The following TRAPPC11 variants were observed in gnomAD, a reference collection of about 807,000 sequenced individuals.
The protein encoded by TRAPPC11 is trafficking protein particle complex subunit 11.
In TRAPPC11, 104 loss-of-function variants were observed where a neutral mutation model predicts 151.2. The ratio of observed to expected loss-of-function variants is 0.69; its 90% CI spans 0.59 to 0.81. The LOEUF (loss-of-function observed/expected upper bound fraction) is 0.81. Ranked by LOEUF, TRAPPC11 falls within the 30% of genes least tolerant of loss-of-function variation. The pLI, the probability that TRAPPC11 is intolerant of heterozygous loss-of-function variation, is 0.00. For missense variants in TRAPPC11, 1,230 were observed against 1,349.6 expected, an observed-to-expected ratio of 0.91 and a Z score of 1.39; for synonymous variants, 456 against 472.3, an observed-to-expected ratio of 0.97 and a Z score of 0.45.
Position 183,701,701 on chromosome 4 carries a change from C to G in TRAPPC11, c.2856C>G (p.Ile952Met), listed in dbSNP as rs1736807018. The G allele has an allele frequency of 1.2e-6, 2 of 1,610,564 alleles. No homozygotes were observed. The highest frequency in any genetic ancestry group is 1.7e-6 in the Non-Finnish European group (2 of 1,176,798). ...TATAAAGACTTTTCCCTGTAGTTAT[C>G]TTACAGACTGGAGAGAGTGCTAGTG... ...DQLESQVDNV[I>M]LQTGESASEC... Residue 952 changes from isoleucine (I) to methionine (M), a missense_variant, in exon 26 of 30, where the codon ATC becomes ATG. Transcript: ENST00000334690.
chr4:183,693,959 A>T lies in TRAPPC11; in HGVS notation c.2429A>T (p.His810Leu). Residue 810 changes from histidine (H) to leucine (L), a missense_variant, in exon 22 of 30, where the codon CAT (histidine) becomes CTT (leucine). His to Leu is a moderately conservative substitution (Grantham distance 99). Coordinates refer to ENST00000334690, the MANE Select transcript of TRAPPC11 (RefSeq NM_021942.6). Reference sequence around the variant, plus strand: ...ACTCAGAAGACTCACGTGACTCTTCATGGAACAGAACTGTGTGATGAATCC... The same window carrying T: ...ACTCAGAAGACTCACGTGACTCTTCTTGGAACAGAACTGTGTGATGAATCC... ...NLTQKTHVTL[H>L]GTELCDESYP... The T allele has an allele frequency of 6.2e-7, 1 of 1,613,930 alleles. No homozygotes were observed. Among genetic ancestry groups the T allele is most frequent in the Non-Finnish European group, 8.5e-7 (1 of 1,179,796 alleles).
chr4:183,678,019 A>C (rs1161512272), intron 8 of TRAPPC11, among the ~76,000 whole-genome samples: 1 of 150,156 alleles, frequency 6.7e-6, no homozygotes, highest in Non-Finnish European at 1.5e-5. Context: ...GCTCACTGGA[A>C]CCTCTGCCTC....
intron 1 of TRAPPC11, among the ~76,000 whole-genome samples, chr4:183,663,491 C>T (rs1206958555): frequency 6.6e-6 from 1 of 152,124 alleles, no homozygotes; most frequent in Non-Finnish European, 1.5e-5. Flanking sequence ...CCTAGGCCTC[C>T]CAAAGTGCTG....
At position 183,692,991 on chromosome 4, in the gene TRAPPC11, A is replaced by G; in HGVS notation, c.2081A>G (p.Glu694Gly). 1 of 1,612,810 alleles carries G rather than the reference A, an allele frequency of 6.2e-7. No individual in the cohort carries two copies. Among genetic ancestry groups the G allele is most frequent in the Non-Finnish European group, 8.5e-7 (1 of 1,179,332 alleles). ...TCAGTGGATCTTGCTCTGGGCAATG[A>G]GACGGGAAGATGTGTGGTTTTAAAT... ...ITSVDLALGN[E>G]TGRCVVLNWQ... Residue 694 changes from glutamate (E) to glycine (G), a missense_variant, in exon 20 of 30, where the codon GAG becomes GGG. Physicochemically the swap from Glu to Gly is moderately conservative, Grantham distance 98. Coordinates refer to ENST00000334690, the MANE Select transcript of TRAPPC11 (RefSeq NM_021942.6).
intron 23 of TRAPPC11, among the ~76,000 whole-genome samples, chr4:183,695,255 G>C (rs1262505917): frequency 6.6e-6 from 1 of 152,006 alleles, no homozygotes; most frequent in Non-Finnish European, 1.5e-5. Flanking sequence ...CGGCCTATAT[G>C]GCTTTTCGTA....
chr4:183,686,589 A>G lies in TRAPPC11; in HGVS notation c.1763-29A>G, dbSNP rs766968632. ...GTGGGTCGTGGGTATCTGGTTGTGCATAACACAGCCCTTTTGTTTTATTTC... is the reference window on the plus strand; with the variant it reads ...GTGGGTCGTGGGTATCTGGTTGTGCGTAACACAGCCCTTTTGTTTTATTTC... On this transcript the variant is annotated intron_variant, in intron 17 of 29. Transcript: ENST00000334690. 14 of 1,611,484 alleles carry G rather than the reference A, an allele frequency of 8.7e-6. No homozygotes were observed. In the African/African-American group the frequency reaches 1.5e-4, roughly 17 times the overall value.
chr4:183,663,497 T>C (rs1734669487), intron 1 of TRAPPC11, among the ~76,000 whole-genome samples: 1 of 152,092 alleles, frequency 6.6e-6, no homozygotes, highest in South Asian at 2.1e-4. Flanking sequence ...CCTCCCAAAG[T>C]GCTGGGATTA....
At chr4:183,709,351 G>A (rs1040904435) in intron 29 of TRAPPC11, among the ~76,000 whole-genome samples, 1 of 152,030 alleles carries the variant, frequency 6.6e-6, no homozygotes, top group Non-Finnish European at 1.5e-5. Flanking sequence ...TCCAGGATTT[G>A]GTAAGTTATC....
At position 183,712,652 on chromosome 4, in the gene TRAPPC11, G is replaced by C. The variant is rs1737391019; in HGVS notation, c.*8G>C. 6.2e-7 allele frequency: 1 copy of C among 1,614,006 alleles called. No individual in the cohort carries two copies. The highest frequency in any genetic ancestry group is 1.3e-5 in the African/African-American group (1 of 74,914). ...TCTATTGCTGCTGCATGATGTTCAA[G>C]ACCGGCCCTTGGCTGTTGTTACAGA... On this transcript the variant is annotated 3_prime_UTR_variant, in exon 30 of 30. Coordinates refer to ENST00000334690, the MANE Select transcript of TRAPPC11 (RefSeq NM_021942.6).
At chr4:183,674,327 G>A (rs747072386) in intron 5 of TRAPPC11, among the ~76,000 whole-genome samples, 14 of 150,878 alleles carry the variant, frequency 9.3e-5, no homozygotes, top group South Asian at 2.1e-4. Context: ...CTGAGACACA[G>A]GAATCGCTTG....
At chr4:183,693,446 T>C (rs985812139) in intron 20 of TRAPPC11, 143 bp from the exon 21 acceptor site, 1 of 870,702 alleles carries the variant, frequency 1.1e-6, no homozygotes, top group South Asian at 1.9e-5. Flanking sequence ...GCTCAAGCGA[T>C]CCTCCTGCCT....
intron 2 of TRAPPC11, 108 bp from the exon 3 acceptor site, chr4:183,666,145 ATGGG>A: frequency 1.1e-6 from 1 of 899,044 alleles, no homozygotes. Context: ...CTAATCAAAA[ATGGG>A]AGGTGTGTAT....
chr4:183,683,860 G>A, intron 11 of TRAPPC11, 115 bp from the exon 12 acceptor site: 1 of 824,212 alleles, frequency 1.2e-6, no homozygotes, highest in South Asian at 1.5e-5. Context: ...GAATGTTGAA[G>A]AGTCTGAAAT....
Position 183,660,861 on chromosome 4 carries a change from GCA to G in TRAPPC11, c.-22+1415_-22+1416del, listed in dbSNP as rs1734458125. Among the ~76,000 whole-genome samples the G allele has an allele frequency of 2.0e-5, 3 of 151,612 alleles. No homozygotes were observed. In the East Asian group the frequency reaches 5.8e-4, roughly 29 times the overall value. On this transcript the variant is annotated intron_variant, in intron 1 of 29. Transcript: ENST00000334690. ...CCCGAGTAGCTGGGACTATAGGCAC[GCA>G]TCACCATGCCCGGCTAATTTTTGTA...
At position 183,701,799 on chromosome 4, in the gene TRAPPC11, C is replaced by A. The variant is rs779195774; in HGVS notation, c.2954C>A (p.Ser985Tyr). The change falls in exon 26 of 30, where the codon TCT becomes TAT. Residue 985 changes from serine (S) to tyrosine (Y), a missense_variant. By Grantham distance (144) the Ser-to-Tyr change is moderately radical. Coordinates refer to ENST00000334690, the MANE Select transcript of TRAPPC11 (RefSeq NM_021942.6). ...GTAGCAACCGGGCATTATATTATCT[C>A]TTGGAAAAGGTAAGAATTATGTCAA... ...GGVATGHYII[S>Y]WKRTSAMENI... 34 of 1,604,848 alleles carry A rather than the reference C, an allele frequency of 2.1e-5. 1 individual carries two copies. The East Asian group carries it at 7.4e-4, about 35-fold the overall frequency.
At position 183,692,943 on chromosome 4, in the gene TRAPPC11, C is replaced by CA. The variant is rs776294369; in HGVS notation, c.2050-17_2050-16insA. Reference sequence around the variant, plus strand: ...CATATGAGATGACATTTCCAACATCCTTTTTTTTCTTTTTAGATTACTTCA... The same window carrying CA: ...CATATGAGATGACATTTCCAACATCCATTTTTTTTCTTTTTAGATTACTTCA... On this transcript the variant is annotated splice_polypyrimidine_tract_variant and intron_variant, in intron 19 of 29. Coordinates refer to ENST00000334690, the MANE Select transcript of TRAPPC11 (RefSeq NM_021942.6). 3 of 1,583,392 alleles carry CA rather than the reference C, an allele frequency of 1.9e-6. No individual in the cohort carries two copies. Among genetic ancestry groups the CA allele is most frequent in the Non-Finnish European group, 2.6e-6 (3 of 1,163,744 alleles).
chr4:183,697,486 T>G lies in TRAPPC11; in HGVS notation c.2629-17T>G, dbSNP rs1284827541. ...ATTTAGAAAATCCATGAATGTGCCCTTTACATTTTCTTGCAGGATGAAACT... is the reference window on the plus strand; with the variant it reads ...ATTTAGAAAATCCATGAATGTGCCCGTTACATTTTCTTGCAGGATGAAACT... On this transcript the variant is annotated splice_polypyrimidine_tract_variant and intron_variant, in intron 23 of 29. Coordinates refer to ENST00000334690, the MANE Select transcript of TRAPPC11 (RefSeq NM_021942.6). The G allele has an allele frequency of 1.3e-6, 2 of 1,594,848 alleles. No individual in the cohort carries two copies. Among genetic ancestry groups the G allele is most frequent in the African/African-American group, 1.4e-5 (1 of 73,512 alleles).
At chr4:183,676,701 T>G (rs1416239420) in intron 7 of TRAPPC11, among the ~76,000 whole-genome samples, 1 of 152,244 alleles carries the variant, frequency 6.6e-6, no homozygotes, top group Non-Finnish European at 1.5e-5. Context: ...CTCTGTAGAC[T>G]TTACCTGAGG....
intron 26 of TRAPPC11, among the ~76,000 whole-genome samples, chr4:183,703,871 C>T (rs1351071955): frequency 1.3e-5 from 2 of 152,192 alleles, no homozygotes; most frequent in Non-Finnish European, 2.9e-5. Flanking sequence ...AATATTGGAA[C>T]ACCACTATGT....
Sources: gnomAD v4.1 joint callset for allele counts (sites outside exome capture counted in the v4.1 genomes callset) on GRCh38, gnomAD v4.1.1 for gene constraint, MANE v1.5 for transcripts, NCBI Gene and HGNC (gene_info 2026-07-23, HGNC 2026-07-21) for gene names.